SPAG16: variants seen among roughly 807,000 people sequenced by gnomAD.
The protein encoded by SPAG16 is sperm-associated antigen 16 protein.
Under a neutral mutation model 80.4 loss-of-function variants are expected in SPAG16, and 86 were observed. The observed-to-expected ratio is 1.07, with a 90% CI of 0.90 to 1.28. The LOEUF is 1.28. SPAG16 is among the 50% of genes most tolerant of loss of function. The pLI is 0.00. For missense variants in SPAG16, 870 were observed against 765.3 expected, an observed-to-expected ratio of 1.14 and a Z score of -1.61; for synonymous variants, 294 against 265.9, an observed-to-expected ratio of 1.11 and a Z score of -1.03.
intron 14 of SPAG16, among the ~76,000 whole-genome samples, chr2:214,128,183 G>A (rs2054589308): frequency 6.6e-6 from 1 of 151,788 alleles, no homozygotes; most frequent in Non-Finnish European, 1.5e-5. Flanking sequence ...CTGACGGGCA[G>A]GGGGAAAACC....
At chr2:213,572,773 G>A (rs1426245676) in intron 10 of SPAG16, among the ~76,000 whole-genome samples, 5 of 152,056 alleles carry the variant, frequency 3.3e-5, no homozygotes, top group African/African-American at 4.8e-5. Context: ...TACCCAGTTC[G>A]AGCTTCCTGG....
chr2:214,001,463 G>A (rs2046784741), intron 12 of SPAG16, among the ~76,000 whole-genome samples: 1 of 152,138 alleles, frequency 6.6e-6, no homozygotes, highest in African/African-American at 2.4e-5. Flanking sequence ...ACCCAGGTCT[G>A]GGGTTCAGGC....
intron 15 of SPAG16, among the ~76,000 whole-genome samples, chr2:214,371,303 C>G (rs768152816): frequency 7.9e-5 from 12 of 151,952 alleles, no homozygotes; most frequent in Non-Finnish European, 1.6e-4. Flanking sequence ...GAGGCCGAGG[C>G]GGGCAGATCA....
chr2:214,173,418 C>T (rs865992946), intron 15 of SPAG16, among the ~76,000 whole-genome samples: 7 of 151,886 alleles, frequency 4.6e-5, no homozygotes, highest in Non-Finnish European at 7.4e-5. Context: ...AGATATGCGG[C>T]GTTATTTCTG....
At chr2:213,809,744 T>G (rs2072010978) in intron 10 of SPAG16, among the ~76,000 whole-genome samples, 1 of 152,202 alleles carries the variant, frequency 6.6e-6, no homozygotes, top group South Asian at 2.1e-4. Flanking sequence ...GATGCACTTT[T>G]ATTTAGGGGG....
intron 10 of SPAG16, among the ~76,000 whole-genome samples, chr2:213,565,127 C>T (rs1457917829): frequency 1.3e-5 from 2 of 152,158 alleles, no homozygotes; most frequent in Non-Finnish European, 2.9e-5. Context: ...CCTAGCTCTA[C>T]CCCCAGCACT....
chr2:213,806,886 G>T (rs1381367489), intron 10 of SPAG16, among the ~76,000 whole-genome samples: 3 of 152,010 alleles, frequency 2.0e-5, no homozygotes, highest in Non-Finnish European at 2.9e-5. Flanking sequence ...AATCCAAAGG[G>T]ATACATGTGT....
chr2:214,352,263 A>G (rs1171647483), intron 15 of SPAG16, among the ~76,000 whole-genome samples: 1 of 152,216 alleles, frequency 6.6e-6, no homozygotes, highest in African/African-American at 2.4e-5. Context: ...TTAACAAACA[A>G]GTATCTCAGA....
At chr2:213,710,233 G>A (rs1487591653) in intron 10 of SPAG16, among the ~76,000 whole-genome samples, 1 of 151,440 alleles carries the variant, frequency 6.6e-6, no homozygotes, top group Non-Finnish European at 1.5e-5. Context: ...GCAGTGAGCC[G>A]AGATCGCACC....
At chr2:213,606,334 AC>A (rs1156580457) in intron 10 of SPAG16, among the ~76,000 whole-genome samples, 2 of 152,148 alleles carry the variant, frequency 1.3e-5, no homozygotes, top group African/African-American at 4.8e-5. Flanking sequence ...ATATTACAAA[AC>A]CATTTTCCAA....
intron 12 of SPAG16, among the ~76,000 whole-genome samples, chr2:213,945,257 T>A (rs781441330): frequency 8.7e-5 from 13 of 149,272 alleles, no homozygotes; most frequent in Non-Finnish European, 4.4e-5. Flanking sequence ...ATATACAAGT[T>A]TATACAAGTA....
chr2:213,849,330 C>T (rs1028948356), intron 10 of SPAG16, among the ~76,000 whole-genome samples: 6 of 152,158 alleles, frequency 3.9e-5, no homozygotes, highest in Non-Finnish European at 5.9e-5. Context: ...ATGGCCCAAA[C>T]ACCTCCTACT....
chr2:214,063,120 A>T (rs1459714643), intron 13 of SPAG16, among the ~76,000 whole-genome samples: 1 of 152,184 alleles, frequency 6.6e-6, no homozygotes, highest in African/African-American at 2.4e-5. Flanking sequence ...AAAAATCAGA[A>T]ATGTATGTTA....
chr2:213,758,575 T>G lies in SPAG16; in HGVS notation c.1071-103910T>G, dbSNP rs1227925960. On this transcript the variant is annotated intron_variant, in intron 10 of 15. Coordinates refer to ENST00000331683, the MANE Select transcript of SPAG16 (RefSeq NM_024532.5). ...TAAATAAAAAATTTACTAGAGCGAT[T>G]CAAAGGAAGATTTGAGCAAGCAAAG... Among the ~76,000 whole-genome samples, 8 of 152,048 alleles carry G rather than the reference T, an allele frequency of 5.3e-5. 1 individual carries two copies. Among genetic ancestry groups the G allele is most frequent in the Admixed American group, 5.2e-4 (8 of 15,264 alleles).
intron 15 of SPAG16, among the ~76,000 whole-genome samples, chr2:214,346,059 G>T (rs1280933383): frequency 6.6e-6 from 1 of 152,190 alleles, no homozygotes; most frequent in Non-Finnish European, 1.5e-5. Context: ...TTATAATTAG[G>T]TGTGAAATTT....
chr2:213,779,196 C>T (rs1384787143), intron 10 of SPAG16, among the ~76,000 whole-genome samples: 2 of 152,116 alleles, frequency 1.3e-5, no homozygotes, highest in Non-Finnish European at 2.9e-5. Context: ...AGTTATACCT[C>T]CAACTTCTTT....
intron 10 of SPAG16, among the ~76,000 whole-genome samples, chr2:213,559,727 A>G (rs1025332146): frequency 6.6e-6 from 1 of 152,070 alleles, no homozygotes; most frequent in African/African-American, 2.4e-5. Context: ...CAGTGGGGTA[A>G]TAGTTTAAGG....
intron 15 of SPAG16, among the ~76,000 whole-genome samples, chr2:214,350,008 T>A (rs1046222375): frequency 6.6e-6 from 1 of 152,220 alleles, no homozygotes; most frequent in African/African-American, 2.4e-5. Context: ...GTTTGCTTAT[T>A]CATTTCTTAG....
intron 15 of SPAG16, among the ~76,000 whole-genome samples, chr2:214,277,823 A>T (rs1004220575): frequency 2.0e-5 from 3 of 152,192 alleles, no homozygotes; most frequent in African/African-American, 7.2e-5. Flanking sequence ...GTGCTGGAAG[A>T]ACCACTGCTC....
Sources: gnomAD v4.1 joint callset for allele counts (sites outside exome capture counted in the v4.1 genomes callset) on GRCh38, gnomAD v4.1.1 for gene constraint, MANE v1.5 for transcripts, NCBI Gene and HGNC (gene_info 2026-07-23, HGNC 2026-07-21) for gene names.